The following FAT1 variants were observed in gnomAD, a reference collection of about 807,000 sequenced individuals.
FAT1 encodes protocadherin Fat 1.
In FAT1, 171 loss-of-function variants were observed where a neutral mutation model predicts 329.8. The observed-to-expected ratio is 0.52, with a 90% CI of 0.46 to 0.59. The LOEUF (loss-of-function observed/expected upper bound fraction) is 0.59, where lower values mean the gene tolerates loss of function less well. Ranked by LOEUF, FAT1 falls within the 20% of genes least tolerant of loss-of-function variation. The pLI, the probability that FAT1 is intolerant of heterozygous loss-of-function variation, is 0.00. For missense variants in FAT1, 5,672 were observed against 5,774.4 expected, an observed-to-expected ratio of 0.98 and a Z score of 0.57; for synonymous variants, 2,233 against 2,228.6, an observed-to-expected ratio of 1.00 and a Z score of -0.06.
Position 186,707,448 on chromosome 4 carries a change from C to T in FAT1, c.2380G>A (p.Val794Ile), listed in dbSNP as rs770505085. Residue 794 changes from valine (V) to isoleucine (I), a missense_variant, in exon 2 of 27, where the codon GTC (valine) becomes ATC (isoleucine). Val to Ile is a conservative substitution (Grantham distance 29). This residue lies in a region of FAT1 where 3,966 missense variants were observed against 3,915.2 expected (regional missense o/e 1.01). Coordinates refer to ENST00000441802, the MANE Select transcript of FAT1 (RefSeq NM_005245.4). ...TTDKYTLNIT[V>I]YDLGIPQKAA... ...TTCTGGGGTATCCCAAGGTCATAGA[C>T]GGTAATATTCAGGGTGTATTTGTCT... 4.3e-6 allele frequency: 7 copies of T among 1,613,964 alleles called. No homozygotes were observed. The South Asian group carries it at 4.4e-5, about 10-fold the overall frequency.
At chr4:186,659,141 C>T (rs1391116887) in intron 3 of FAT1, among the ~76,000 whole-genome samples, 6 of 152,118 alleles carry the variant, frequency 3.9e-5, no homozygotes, top group African/African-American at 7.2e-5. Flanking sequence ...CTGCAGTGTT[C>T]GGTACAGGAT....
At chr4:186,641,844 C>T (rs1188842075) in intron 3 of FAT1, among the ~76,000 whole-genome samples, 1 of 151,826 alleles carries the variant, frequency 6.6e-6, no homozygotes, top group Non-Finnish European at 1.5e-5. Context: ...CTGTCTCTAC[C>T]AAAAATACAA....
chr4:186,666,358 A>G (rs1032746527), intron 2 of FAT1, among the ~76,000 whole-genome samples: 15 of 152,330 alleles, frequency 9.8e-5, no homozygotes, highest in African/African-American at 3.6e-4. Flanking sequence ...GCAAAATTAT[A>G]TCTGTCTGTA....
intron 11 of FAT1, among the ~76,000 whole-genome samples, chr4:186,615,569 C>T (rs1166086578): frequency 1.3e-5 from 2 of 152,050 alleles, no homozygotes; most frequent in East Asian, 3.9e-4. Context: ...AGGCATCCAT[C>T]CACGTCCTGC....
chr4:186,683,824 C>T (rs1214357744), intron 2 of FAT1, among the ~76,000 whole-genome samples: 1 of 152,052 alleles, frequency 6.6e-6, no homozygotes, highest in Non-Finnish European at 1.5e-5. Context: ...TTTTGGGTAT[C>T]AGAGATCCCT....
At chr4:186,672,136 T>C (rs933040190) in intron 2 of FAT1, among the ~76,000 whole-genome samples, 3 of 152,202 alleles carry the variant, frequency 2.0e-5, no homozygotes, top group African/African-American at 7.2e-5. Context: ...ATGGTTTATT[T>C]TGCAGAAGAA....
rs1740686737 is a variant in FAT1, at chr4:186,633,537, A to G, written c.4323+147T>C. The G allele has an allele frequency of 4.1e-6, 3 of 738,650 alleles. No individual in the cohort carries two copies. In the South Asian group the frequency reaches 9.2e-5, roughly 23 times the overall value. The allele number at this position is 738,650 out of a possible 1,614,324, so 45.8% of individuals were successfully genotyped here. A position where few individuals can be genotyped will look rare whatever the true frequency, so the allele number is the denominator to read the frequency against. Reference sequence around the variant, plus strand: ...TATGGAATTAATTTTCTTTCCCTAAATAAAAATTCTTAGTGTGCATGTGTG... The same window carrying G: ...TATGGAATTAATTTTCTTTCCCTAAGTAAAAATTCTTAGTGTGCATGTGTG... On this transcript the variant is annotated intron_variant, in intron 7 of 26. Transcript: ENST00000441802.
At chr4:186,613,072 G>C (rs1739527297) in intron 13 of FAT1, 37 bp downstream of exon 13, 2 of 1,438,542 alleles carry the variant, frequency 1.4e-6, no homozygotes, top group Non-Finnish European at 1.9e-6. Context: ...TAGGATCTCA[G>C]TGAGCAGCGT....
chr4:186,697,035 TA>T (rs1744070286), intron 2 of FAT1, among the ~76,000 whole-genome samples: 1 of 151,370 alleles, frequency 6.6e-6, no homozygotes, highest in African/African-American at 2.4e-5. Flanking sequence ...TCTTAGAAAA[TA>T]ATTAATTAAT....
chr4:186,682,918 G>A (rs1364606981), intron 2 of FAT1, among the ~76,000 whole-genome samples: 1 of 152,204 alleles, frequency 6.6e-6, no homozygotes, highest in African/African-American at 2.4e-5. Flanking sequence ...AAAAGGAAGA[G>A]TGTGTGCCAC....
chr4:186,635,972 G>A, intron 6 of FAT1, 53 bp downstream of exon 6: 1 of 1,494,910 alleles, frequency 6.7e-7, no homozygotes, highest in Non-Finnish European at 9.3e-7. Flanking sequence ...ACCGTATGCA[G>A]GTTCTCCTCA....
intron 9 of FAT1, among the ~76,000 whole-genome samples, chr4:186,627,845 G>A (rs1392999738): frequency 6.6e-6 from 1 of 152,158 alleles, no homozygotes; most frequent in African/African-American, 2.4e-5. Flanking sequence ...AGAAGAAACT[G>A]TGGTTAAAAT....
intron 1 of FAT1, among the ~76,000 whole-genome samples, chr4:186,722,064 C>A (rs1307046457): frequency 6.6e-6 from 1 of 152,162 alleles, no homozygotes; most frequent in Non-Finnish European, 1.5e-5. Flanking sequence ...TCTCGGACCC[C>A]CGACCTCCGG....
intron 2 of FAT1, among the ~76,000 whole-genome samples, chr4:186,693,058 T>A (rs1280360252): frequency 6.6e-6 from 1 of 152,228 alleles, no homozygotes; most frequent in Non-Finnish European, 1.5e-5. Context: ...ATCCCCCTGG[T>A]ATCTCTGCTT....
intron 2 of FAT1, among the ~76,000 whole-genome samples, chr4:186,689,096 G>T (rs77842828): frequency 6.6e-6 from 1 of 152,156 alleles, no homozygotes; most frequent in Non-Finnish European, 1.5e-5. Flanking sequence ...TAGCAATTGT[G>T]GAAGCCCACA....
intron 17 of FAT1, 59 bp downstream of exon 17, chr4:186,606,011 G>C (rs2126446485): frequency 1.3e-6 from 2 of 1,505,372 alleles, no homozygotes; most frequent in Non-Finnish European, 1.8e-6. Context: ...AAGCAACAGA[G>C]GCCAATGGAA....
At position 186,619,380 on chromosome 4, in the gene FAT1, G is replaced by A. The variant is rs774395260; in HGVS notation, c.7206C>T (p.His2402=). ...QQIYEARISE[H]APHGHFVTCV... is the part of the protein sequence containing the mutation. Reference sequence around the variant, plus strand: ...AGGTCACGAAATGCCCATGAGGGGCGTGCTCGCTAATTCTGGCTTCATAAA... The same window carrying A: ...AGGTCACGAAATGCCCATGAGGGGCATGCTCGCTAATTCTGGCTTCATAAA... Residue 2402 remains histidine, a synonymous_variant, in exon 10 of 27, where the codon CAC becomes CAT. Transcript: ENST00000441802. 13 of 1,613,842 alleles carry A rather than the reference G, an allele frequency of 8.1e-6. No individual in the cohort carries two copies. Among genetic ancestry groups the A allele is most frequent in the Admixed American group, 6.7e-5 (4 of 60,006 alleles).
chr4:186,593,893 C>T (rs1280092), intron 26 of FAT1, among the ~76,000 whole-genome samples: 88,772 of 151,926 alleles, frequency 0.58, 27,417 homozygotes, highest in African/African-American at 0.8. Flanking sequence ...CCTGGAAAAC[C>T]GGGAATACGA....
Position 186,663,633 on chromosome 4 carries a change from G to T in FAT1, c.3266-20C>A. 1 of 1,572,118 alleles carries T rather than the reference G, an allele frequency of 6.4e-7. No individual in the cohort carries two copies. The highest frequency in any genetic ancestry group is 1.8e-5 in the Admixed American group (1 of 54,684). ...TGACACCTACAGAGAAAAAAGAAAA[G>T]CGTAAAGCAGCACATCAACGACCAA... On this transcript the variant is annotated intron_variant, in intron 2 of 26. Coordinates refer to ENST00000441802, the MANE Select transcript of FAT1 (RefSeq NM_005245.4).
Sources: allele counts gnomAD v4.1 joint callset (sites outside exome capture counted in the v4.1 genomes callset), GRCh38; gene constraint gnomAD v4.1.1; regional missense constraint gnomAD v4.1.1; transcripts MANE v1.5; gene names NCBI Gene and HGNC (gene_info 2026-07-23, HGNC 2026-07-21).